STIM2: variants seen among roughly 807,000 people sequenced by gnomAD.
STIM2 encodes stromal interaction molecule 2.
Under a neutral mutation model 85.8 loss-of-function variants are expected in STIM2, and 31 were observed. The ratio of observed to expected loss-of-function variants is 0.36; its 90% CI spans 0.27 to 0.49. The LOEUF is 0.49. Among genes scored for constraint, STIM2 ranks in the 20% least tolerant of loss-of-function variants. The probability of loss-of-function intolerance (pLI) is 0.98; values close to 1 mark genes in which losing one functional copy is unlikely to be tolerated. For missense variants in STIM2, 841 were observed against 927.6 expected (o/e 0.91, Z 1.21); for synonymous variants, 356 against 331.1 (o/e 1.08, Z -0.82).
At chr4:27,021,682 G>T (rs1000901939) in intron 11 of STIM2, 2 of 453,590 alleles carry the variant, frequency 4.4e-6, no homozygotes, top group Non-Finnish European at 8.9e-6. Flanking sequence ...AAGTAGCTGG[G>T]AGGGAAGAAT....
At chr4:26,999,199 A>G (rs546155556) in intron 4 of STIM2, 33 bp from the exon 5 acceptor site, 11 of 986,354 alleles carry the variant, frequency 1.1e-5, no homozygotes, top group Middle Eastern at 4.7e-4. Context: ...TTTAATATAT[A>G]TATATATGTG....
intron 1 of STIM2, among the ~76,000 whole-genome samples, chr4:26,893,587 A>G (rs527695863): frequency 1.3e-5 from 2 of 152,214 alleles, no homozygotes; most frequent in South Asian, 4.1e-4. Flanking sequence ...TTGACCTTTT[A>G]TGAACAGTAC....
chr4:26,970,448 A>C (rs1045067895), intron 3 of STIM2, among the ~76,000 whole-genome samples: 5 of 151,362 alleles, frequency 3.3e-5, no homozygotes, highest in African/African-American at 1.2e-4. Context: ...CCTGTGTCCA[A>C]GTGATCTCAT....
intron 1 of STIM2, among the ~76,000 whole-genome samples, chr4:26,879,756 CT>C (rs777290776): frequency 2.0e-5 from 3 of 152,114 alleles, no homozygotes; most frequent in Non-Finnish European, 4.4e-5. Flanking sequence ...TAGAAACACA[CT>C]TTAAGTTTTA....
At chr4:27,002,457 T>G (rs1477739572) in intron 6 of STIM2, 63 bp downstream of exon 6, 2 of 1,318,238 alleles carry the variant, frequency 1.5e-6, no homozygotes, top group Admixed American at 4.4e-5. Flanking sequence ...AAAAGTGATA[T>G]GGGCATGTGC....
intron 1 of STIM2, among the ~76,000 whole-genome samples, chr4:26,895,072 C>T (rs1001270890): frequency 2.6e-5 from 4 of 152,198 alleles, no homozygotes; most frequent in African/African-American, 9.7e-5. Flanking sequence ...ATTAGCTGGG[C>T]ATGATGGCGC....
At chr4:26,883,275 C>A (rs1057156548) in intron 1 of STIM2, among the ~76,000 whole-genome samples, 4 of 152,054 alleles carry the variant, frequency 2.6e-5, no homozygotes, top group Non-Finnish European at 4.4e-5. Flanking sequence ...TATAAATAAA[C>A]TTGCATGTAA....
intron 2 of STIM2, among the ~76,000 whole-genome samples, chr4:26,943,551 A>G (rs1428330042): frequency 6.6e-6 from 1 of 152,116 alleles, no homozygotes; most frequent in African/African-American, 2.4e-5. Context: ...TTCCATGTCC[A>G]GCTTGTACAT....
intron 4 of STIM2, 105 bp downstream of exon 4, chr4:26,995,595 A>G (rs905118450): frequency 1.9e-6 from 1 of 513,802 alleles, no homozygotes; most frequent in African/African-American, 2.0e-5. Flanking sequence ...CTGAGGGCAC[A>G]AAGGAAATAT....
chr4:26,862,274 C>T lies in STIM2; in HGVS notation c.151+905C>T, dbSNP rs187197500. Among the ~76,000 whole-genome samples, 661 of 150,716 alleles carry T rather than the reference C, an allele frequency of 4.4e-3. 8 individuals carry two copies. The highest frequency in any genetic ancestry group is 0.016 in the African/African-American group (640 of 40,972). On this transcript the variant is annotated intron_variant, in intron 1 of 11. Coordinates refer to ENST00000467087, the MANE Select transcript of STIM2 (RefSeq NM_020860.4). ...TAAGTAAAAGTTATTATATAAGGACCCTGAAATGATTTCTTTGGGAAAAGT... is the reference window on the plus strand; with the variant it reads ...TAAGTAAAAGTTATTATATAAGGACTCTGAAATGATTTCTTTGGGAAAAGT...
At chr4:26,917,850 A>G (rs1724643103) in intron 1 of STIM2, among the ~76,000 whole-genome samples, 2 of 152,126 alleles carry the variant, frequency 1.3e-5, no homozygotes, top group African/African-American at 4.8e-5. Context: ...TTTACACTAT[A>G]TGTTGTTTTG....
At chr4:26,977,019 G>A (rs1056672752) in intron 3 of STIM2, among the ~76,000 whole-genome samples, 6 of 152,178 alleles carry the variant, frequency 3.9e-5, no homozygotes, top group African/African-American at 1.4e-4. Context: ...ATAAAGCAGG[G>A]TAACAGTATA....
Position 26,941,252 on chromosome 4 carries a change from G to T in STIM2, c.283-16360G>T, listed in dbSNP as rs77839902. 3.9e-3 allele frequency among the ~76,000 whole-genome samples: 601 copies of T among 152,170 alleles called. 6 individuals are homozygous for T. The highest frequency in any genetic ancestry group is 0.014 in the African/African-American group (570 of 41,506). ...AACCATCTTTTAAGATTAATTTAAAGATTTAGTTCAAGTGGAATCTTTTCT... is the reference window on the plus strand; with the variant it reads ...AACCATCTTTTAAGATTAATTTAAATATTTAGTTCAAGTGGAATCTTTTCT... On this transcript the variant is annotated intron_variant, in intron 2 of 11. Transcript: ENST00000467087.
At chr4:26,885,253 A>T (rs1262904641) in intron 1 of STIM2, among the ~76,000 whole-genome samples, 1 of 152,220 alleles carries the variant, frequency 6.6e-6, no homozygotes, top group East Asian at 1.9e-4. Context: ...GGCTCAAATC[A>T]TCAGTATACA....
intron 11 of STIM2, chr4:27,021,411 G>T (rs762659893): frequency 6.2e-5 from 28 of 449,318 alleles, no homozygotes; most frequent in Non-Finnish European, 9.9e-5. Flanking sequence ...AGTAAGCCAC[G>T]TGGAGATGGA....
chr4:26,994,449 C>T (rs1246638197), intron 3 of STIM2, among the ~76,000 whole-genome samples: 1 of 151,824 alleles, frequency 6.6e-6, no homozygotes, highest in African/African-American at 2.4e-5. Flanking sequence ...ATCTTATCTA[C>T]TACTATCATA....
At chr4:27,002,714 C>T (rs1233026691) in intron 6 of STIM2, among the ~76,000 whole-genome samples, 1 of 152,038 alleles carries the variant, frequency 6.6e-6, no homozygotes, top group Non-Finnish European at 1.5e-5. Flanking sequence ...GAGTATTTCC[C>T]TGCTTTCCCT....
chr4:26,874,095 G>A, intron 1 of STIM2: 1 of 588,780 alleles, frequency 1.7e-6, no homozygotes, highest in Non-Finnish European at 3.3e-6. Context: ...TGAGCGAGCT[G>A]CAGCTTGGAG....
chr4:26,904,041 A>C (rs1162351937), intron 1 of STIM2, among the ~76,000 whole-genome samples: 1 of 151,222 alleles, frequency 6.6e-6, no homozygotes, highest in Non-Finnish European at 1.5e-5. Flanking sequence ...GGTGTGCTGC[A>C]CCCATTAACT....
Sources: gnomAD v4.1 joint callset for allele counts (sites outside exome capture counted in the v4.1 genomes callset) on GRCh38, gnomAD v4.1.1 for gene constraint, MANE v1.5 for transcripts, NCBI Gene and HGNC (gene_info 2026-07-23, HGNC 2026-07-21) for gene names.